MTSS1: variants seen among roughly 807,000 people sequenced by gnomAD.
MTSS1 encodes the protein MTSS I-BAR domain containing 1, also known as protein MTSS 1.
In MTSS1, 18 loss-of-function variants were observed where a neutral mutation model predicts 79.0. That is an observed-to-expected ratio of 0.23 (90% CI 0.16 to 0.34). MTSS1 has a LOEUF of 0.34. MTSS1 is among the 10% of genes least tolerant of loss of function. The pLI, the probability that MTSS1 is intolerant of heterozygous loss-of-function variation, is 1.00. For missense variants in MTSS1, 815 were observed against 986.2 expected (o/e 0.83, Z 2.33); for synonymous variants, 341 against 368.6 (o/e 0.93, Z 0.86).
At chr8:124,555,159 T>C (rs925249799) in intron 13 of MTSS1, among the ~76,000 whole-genome samples, 3 of 152,244 alleles carry the variant, frequency 2.0e-5, no homozygotes, top group Non-Finnish European at 2.9e-5. Context: ...GCTATTCTTA[T>C]TACAGCACAT....
At chr8:124,556,496 C>T (rs994930141) in intron 11 of MTSS1, 91 bp from the exon 12 acceptor site, 15 of 1,386,756 alleles carry the variant, frequency 1.1e-5, no homozygotes, top group Non-Finnish European at 1.4e-5. Flanking sequence ...GAGAAGGCAG[C>T]TGGTCCCCTT....
At chr8:124,556,011 T>C (rs1288066763) in intron 12 of MTSS1, 107 bp from the exon 13 acceptor site, 6 of 1,548,496 alleles carry the variant, frequency 3.9e-6, no homozygotes, top group Non-Finnish European at 5.2e-6. Context: ...CAGGGGGCTA[T>C]TGACTTGCTT....
intron 3 of MTSS1, among the ~76,000 whole-genome samples, chr8:124,673,684 C>T (rs1180101172): frequency 2.6e-5 from 4 of 152,216 alleles, no homozygotes; most frequent in Admixed American, 1.3e-4. Context: ...CAAAGCTGCA[C>T]GTTTCTCTTG....
chr8:124,673,613 A>G (rs1334480474), intron 3 of MTSS1: 3 of 152,102 alleles, frequency 2.0e-5, no homozygotes, highest in Non-Finnish European at 4.4e-5. Flanking sequence ...GTTTGTTCTG[A>G]AGCAGCACAG....
At chr8:124,642,765 G>T (rs1286875968) in intron 3 of MTSS1, among the ~76,000 whole-genome samples, 2 of 152,022 alleles carry the variant, frequency 1.3e-5, no homozygotes, top group Non-Finnish European at 2.9e-5. Flanking sequence ...GCTAATTTTT[G>T]TGTTTTTAGT....
intron 3 of MTSS1, among the ~76,000 whole-genome samples, chr8:124,629,505 CAAAAA>C (rs982816199): frequency 0.048 from 3,008 of 62,114 alleles, 86 homozygotes; most frequent in African/African-American, 0.14. Context: ...GACTCCGTCT[CAAAAA>C]AAAAAAAAAA....
intron 2 of MTSS1, among the ~76,000 whole-genome samples, chr8:124,701,577 ATTAATATCTGACACAATGGC>A (rs1460156582): frequency 6.6e-6 from 1 of 152,250 alleles, no homozygotes; most frequent in East Asian, 1.9e-4. Context: ...CTGATTTACA[ATTAATATCTGACACAATGGC>A]TGGATTTATT....
chr8:124,617,433 C>G (rs9297696), intron 3 of MTSS1, among the ~76,000 whole-genome samples: 40,057 of 152,056 alleles, frequency 0.26, 7,157 homozygotes, highest in African/African-American at 0.51. Context: ...TTACAAAGAG[C>G]CTGGAATTCA....
intron 1 of MTSS1, among the ~76,000 whole-genome samples, chr8:124,725,978 A>G (rs1302470518): frequency 6.9e-6 from 1 of 145,392 alleles, no homozygotes; most frequent in Non-Finnish European, 1.5e-5. Context: ...GCCAAAACAA[A>G]CAAACCAAAA....
intron 3 of MTSS1, among the ~76,000 whole-genome samples, chr8:124,637,802 T>C (rs1472306242): frequency 1.3e-5 from 2 of 152,268 alleles, no homozygotes; most frequent in Admixed American, 6.5e-5. Flanking sequence ...GGTTATATTT[T>C]GGATGTATAC....
Position 124,602,188 on chromosome 8 carries a change from C to CATACATATATATATATATATATATAT in MTSS1, c.209-10954_209-10953insATATATATATATATATATATATGTAT, listed in dbSNP as rs1554665864. Among the ~76,000 whole-genome samples the CATACATATATATATATATATATATAT allele has an allele frequency of 1.6e-4, 19 of 116,790 alleles. 1 individual carries two copies. Among genetic ancestry groups the CATACATATATATATATATATATATAT allele is most frequent in the African/African-American group, 7.7e-4 (18 of 23,356 alleles). The allele number at this position is 116,790 out of a possible 152,430, so 76.6% of individuals were successfully genotyped here. A position where few individuals can be genotyped will look rare whatever the true frequency, so the allele number is the denominator to read the frequency against. ...ATCACAAATAAATCTCATATATATACATATATATATATATATATAATTTTT... is the reference window on the plus strand; with the variant it reads ...ATCACAAATAAATCTCATATATATACATACATATATATATATATATATATATATATATATATATATATATAATTTTT... On this transcript the variant is annotated intron_variant, in intron 3 of 13. Coordinates refer to ENST00000518547, the MANE Select transcript of MTSS1 (RefSeq NM_014751.6).
chr8:124,726,752 C>T (rs1833756705), intron 1 of MTSS1, among the ~76,000 whole-genome samples: 1 of 152,202 alleles, frequency 6.6e-6, no homozygotes, highest in Non-Finnish European at 1.5e-5. Flanking sequence ...CTGTCCACAC[C>T]CACTCGGTGC....
At chr8:124,717,109 C>T (rs983719537) in intron 1 of MTSS1, among the ~76,000 whole-genome samples, 15 of 152,108 alleles carry the variant, frequency 9.9e-5, no homozygotes, top group Non-Finnish European at 1.9e-4. Context: ...TGAACACTGC[C>T]CTCACCCCCT....
chr8:124,690,936 T>A (rs1422215048), intron 3 of MTSS1, among the ~76,000 whole-genome samples: 1 of 152,068 alleles, frequency 6.6e-6, no homozygotes, highest in East Asian at 1.9e-4. Context: ...ATAGTATGAG[T>A]TGTAAAAATG....
rs558968167 is a variant in MTSS1 at position 124,656,802 on chromosome 8, A to C, written c.208+42724T>G. On this transcript the variant is annotated intron_variant, in intron 3 of 13. Transcript: ENST00000518547. ...ATCTCAAAAAAAAAAAAAAAAAAGA[A>C]AAAAGAAAAAAAGGAAAAAAAAATG... 4.0e-4 allele frequency among the ~76,000 whole-genome samples: 60 copies of C among 151,726 alleles called. 1 individual carries two copies. The South Asian group carries it at 0.011, about 27-fold the overall frequency.
intron 6 of MTSS1, among the ~76,000 whole-genome samples, chr8:124,577,095 C>A (rs1829112709): frequency 6.6e-6 from 1 of 152,160 alleles, no homozygotes; most frequent in South Asian, 2.1e-4. Context: ...TTACTGGAGA[C>A]AAGCTTTGCA....
intron 1 of MTSS1, among the ~76,000 whole-genome samples, chr8:124,706,123 G>A (rs910947316): frequency 5.9e-5 from 9 of 152,242 alleles, no homozygotes; most frequent in African/African-American, 2.2e-4. Flanking sequence ...ATTATAACAA[G>A]GAGCACTCAT....
In MTSS1 at chr8:124,589,835, G is replaced by A. The variant is rs189583822; in HGVS notation, c.294-124C>T. The A allele has an allele frequency of 5.9e-5, 41 of 692,896 alleles. 1 individual carries two copies. The highest frequency in any genetic ancestry group is 4.5e-4 in the South Asian group (25 of 55,398). 42.9% of individuals were successfully genotyped at this position (692,896 alleles called of 1,614,324 possible). A position where few individuals can be genotyped will look rare whatever the true frequency, so the allele number is the denominator to read the frequency against. Reference sequence around the variant, plus strand: ...CCCGAAACGTTCTCATCTAAACCCCGGGGCTCCAGAACAGCCATGTTCCAA... The same window carrying A: ...CCCGAAACGTTCTCATCTAAACCCCAGGGCTCCAGAACAGCCATGTTCCAA... On this transcript the variant is annotated intron_variant, in intron 4 of 13. Coordinates refer to ENST00000518547, the MANE Select transcript of MTSS1 (RefSeq NM_014751.6).
At chr8:124,627,290 C>T (rs771752657) in intron 3 of MTSS1, among the ~76,000 whole-genome samples, 102 of 152,318 alleles carry the variant, frequency 6.7e-4, no homozygotes, top group Non-Finnish European at 1.2e-3. Flanking sequence ...TGAGGGCTGG[C>T]TATCAGTGAG....
Sources: gnomAD v4.1 joint callset for allele counts (sites outside exome capture counted in the v4.1 genomes callset) on GRCh38, gnomAD v4.1.1 for gene constraint, MANE v1.5 for transcripts, NCBI Gene and HGNC (gene_info 2026-07-23, HGNC 2026-07-21) for gene names.